Variants in ASIC2 observed in about 807,000 individuals in gnomAD.
ASIC2 encodes the protein acid sensing ion channel subunit 2, also known as acid-sensing ion channel 2.
ASIC2 carries 25 observed loss-of-function variants against 57.3 expected under a neutral mutation model. That is an observed-to-expected ratio of 0.44 (90% CI 0.32 to 0.61). ASIC2 has a LOEUF of 0.61. ASIC2 is among the 20% of genes least tolerant of loss of function. ASIC2 has a pLI of 0.06. For missense variants in ASIC2, 641 were observed against 738.1 expected (o/e 0.87, Z 1.52); for synonymous variants, 319 against 307.5 (o/e 1.04, Z -0.39).
At chr17:33,544,720 T>A (rs1230745706) in intron 1 of ASIC2, among the ~76,000 whole-genome samples, 1 of 152,118 alleles carries the variant, frequency 6.6e-6, no homozygotes, top group Non-Finnish European at 1.5e-5. Flanking sequence ...TTAGAAAAAA[T>A]TTTGCATACT....
At chr17:33,866,783 T>A (rs1423398780) in intron 1 of ASIC2, among the ~76,000 whole-genome samples, 4 of 152,156 alleles carry the variant, frequency 2.6e-5, no homozygotes, top group Admixed American at 2.0e-4. Flanking sequence ...GACCTACAGA[T>A]GGAGATCACA....
intron 1 of ASIC2, among the ~76,000 whole-genome samples, chr17:33,593,930 G>A (rs12452523): frequency 0.2 from 29,685 of 152,108 alleles, 2,999 homozygotes; most frequent in South Asian, 0.37. Context: ...TCAATATTCA[G>A]GGAGTTTTAA....
intron 1 of ASIC2, among the ~76,000 whole-genome samples, chr17:34,033,134 T>C (rs1907696587): frequency 6.6e-6 from 1 of 152,030 alleles, no homozygotes; most frequent in African/African-American, 2.4e-5. Flanking sequence ...CCTCAGCAAA[T>C]GTAAAAGAAC....
chr17:33,135,946 G>A (rs772007403), intron 1 of ASIC2, among the ~76,000 whole-genome samples: 11 of 152,210 alleles, frequency 7.2e-5, no homozygotes, highest in Admixed American at 1.3e-4. Context: ...TGAGGCAGCC[G>A]TGACACATTT....
intron 1 of ASIC2, among the ~76,000 whole-genome samples, chr17:33,404,356 A>AAAAC (rs367735860): frequency 6.6e-6 from 1 of 152,262 alleles, no homozygotes; most frequent in African/African-American, 2.4e-5. Context: ...AGCCGTCCAA[A>AAAAC]AAACAAACAA....
chr17:33,456,895 T>C (rs560300758), intron 1 of ASIC2, among the ~76,000 whole-genome samples: 1 of 152,312 alleles, frequency 6.6e-6, no homozygotes, highest in South Asian at 2.1e-4. Context: ...TCAACAACTG[T>C]CAGATTGAAA....
At chr17:33,508,376 A>C (rs1406374460) in intron 1 of ASIC2, among the ~76,000 whole-genome samples, 1 of 152,208 alleles carries the variant, frequency 6.6e-6, no homozygotes, top group Admixed American at 6.5e-5. Context: ...AGGAATCACA[A>C]CCTGTCTGCC....
chr17:33,341,892 T>G (rs72625908), intron 1 of ASIC2, among the ~76,000 whole-genome samples: 27,258 of 152,090 alleles, frequency 0.18, 2,688 homozygotes, highest in South Asian at 0.35. Flanking sequence ...CCCTTTGTCA[T>G]TCTCAGACTG....
chr17:33,239,287 T>C lies in ASIC2; in HGVS notation c.708+52121A>G, dbSNP rs1426381565. On this transcript the variant is annotated intron_variant, in intron 1 of 9. Transcript: ENST00000225823. ...GCCTGGGCAACAGAGTGAGACTCCG[T>C]CTCAAAAAAAAAAAGTCTTTGCTCA... Among the ~76,000 whole-genome samples the C allele has an allele frequency of 3.3e-5, 5 of 150,506 alleles. No homozygotes were observed. The East Asian group carries it at 9.9e-4, about 30-fold the overall frequency.
At chr17:33,990,079 G>A (rs954166244) in intron 1 of ASIC2, among the ~76,000 whole-genome samples, 7 of 152,186 alleles carry the variant, frequency 4.6e-5, no homozygotes, top group African/African-American at 1.7e-4. Flanking sequence ...GAGAGAAGAA[G>A]GGCTAGCTTA....
chr17:33,859,317 A>G (rs1407255191), intron 1 of ASIC2, among the ~76,000 whole-genome samples: 1 of 152,236 alleles, frequency 6.6e-6, no homozygotes, highest in African/African-American at 2.4e-5. Context: ...ATTGATTCCA[A>G]TATCAACTGC....
At chr17:33,205,002 T>A (rs1907009152) in intron 1 of ASIC2, among the ~76,000 whole-genome samples, 1 of 152,240 alleles carries the variant, frequency 6.6e-6, no homozygotes, top group Admixed American at 6.5e-5. Flanking sequence ...TGATAAGGTC[T>A]CTTGTTTACT....
At chr17:34,155,752 C>T in intron 1 of ASIC2, 2 of 537,466 alleles carry the variant, frequency 3.7e-6, no homozygotes, top group Non-Finnish European at 3.3e-6. Flanking sequence ...CGCAAGCCCC[C>T]CACTCACCCT....
At chr17:33,467,142 T>C (rs1912892866) in intron 1 of ASIC2, among the ~76,000 whole-genome samples, 1 of 152,222 alleles carries the variant, frequency 6.6e-6, no homozygotes, top group African/African-American at 2.4e-5. Flanking sequence ...GGTTTTGCCA[T>C]GTTGACCAGG....
At chr17:34,153,623 C>A (rs1301268022) in intron 1 of ASIC2, among the ~76,000 whole-genome samples, 1 of 152,216 alleles carries the variant, frequency 6.6e-6, no homozygotes, top group Non-Finnish European at 1.5e-5. Context: ...GGGCCAGAGA[C>A]CAGCCTCCCT....
rs180846181 is a variant in ASIC2 at position 33,555,110 on chromosome 17, G to A, written c.556-443043C>T. 3.8e-4 allele frequency among the ~76,000 whole-genome samples: 58 copies of A among 152,174 alleles called. No homozygotes were observed. The East Asian group carries it at 8.7e-3, about 23-fold the overall frequency. ...TGCTCATCCTCTCCATGTCTCTTCC[G>A]GGTTTCACAATGGTCAGATGTCTCA... is the stretch of plus-strand genomic sequence containing the variant. On this transcript the variant is annotated intron_variant, in intron 1 of 9. Transcript: ENST00000359872.
chr17:33,579,442 G>C (rs540266700), intron 1 of ASIC2, among the ~76,000 whole-genome samples: 7 of 152,022 alleles, frequency 4.6e-5, no homozygotes, highest in African/African-American at 7.2e-5. Context: ...CTAGGGCTGC[G>C]GGGTACCCAT....
intron 1 of ASIC2, among the ~76,000 whole-genome samples, chr17:33,173,659 C>A (rs958570215): frequency 1.3e-5 from 2 of 152,180 alleles, no homozygotes; most frequent in African/African-American, 4.8e-5. Flanking sequence ...CCGGCTTTGA[C>A]CAGACAGGTC....
intron 2 of ASIC2, among the ~76,000 whole-genome samples, chr17:33,105,926 T>C (rs1176473342): frequency 6.6e-6 from 1 of 152,090 alleles, no homozygotes; most frequent in East Asian, 1.9e-4. Context: ...ATTTAGAGTA[T>C]CTGGTGGAAG....
Sources: allele counts gnomAD v4.1 joint callset (sites outside exome capture counted in the v4.1 genomes callset), GRCh38; gene constraint gnomAD v4.1.1; transcripts MANE v1.5; gene names NCBI Gene and HGNC (gene_info 2026-07-23, HGNC 2026-07-21).